VTI1A: variants seen among roughly 807,000 people sequenced by gnomAD.
The protein encoded by VTI1A is vesicle transport through interaction with t-SNAREs homolog 1A.
VTI1A carries 22 observed loss-of-function variants against 34.9 expected under a neutral mutation model. That is an observed-to-expected ratio of 0.63 (90% CI 0.45 to 0.90). The LOEUF (loss-of-function observed/expected upper bound fraction) is 0.90. VTI1A is among the 40% of genes least tolerant of loss of function. The probability of loss-of-function intolerance (pLI) is 0.00; values close to 1 mark genes in which losing one functional copy is unlikely to be tolerated. For missense variants in VTI1A, 268 were observed against 275.6 expected, an observed-to-expected ratio of 0.97 and a Z score of 0.20; for synonymous variants, 87 against 97.3, an observed-to-expected ratio of 0.89 and a Z score of 0.62.
intron 7 of VTI1A, among the ~76,000 whole-genome samples, chr10:112,787,681 TTTTTCTTTTTTC>T: frequency 6.9e-6 from 1 of 145,550 alleles, no homozygotes; most frequent in South Asian, 2.1e-4. Context: ...ATTAGTTTCT[TTTTTCTTTTTTC>T]TTTTCTTTTT....
At chr10:112,709,685 T>C (rs1337636821) in intron 7 of VTI1A, among the ~76,000 whole-genome samples, 10 of 101,608 alleles carry the variant, frequency 9.8e-5, no homozygotes, top group African/African-American at 6.6e-4. Context: ...TATGTGGCTT[T>C]TTTTTTTTTT....
At chr10:112,550,961 C>T (rs1851328708) in intron 5 of VTI1A, among the ~76,000 whole-genome samples, 3 of 152,182 alleles carry the variant, frequency 2.0e-5, no homozygotes, top group South Asian at 2.1e-4. Context: ...AGTACCTTCA[C>T]GGCCGGGCGC....
At chr10:112,477,028 T>G (rs1848300411) in intron 3 of VTI1A, among the ~76,000 whole-genome samples, 1 of 152,200 alleles carries the variant, frequency 6.6e-6, no homozygotes, top group African/African-American at 2.4e-5. Flanking sequence ...TCAACTATTT[T>G]AAGCTTTCTT....
chr10:112,586,923 C>T (rs1844183579), intron 5 of VTI1A, among the ~76,000 whole-genome samples: 1 of 152,130 alleles, frequency 6.6e-6, no homozygotes, highest in East Asian at 1.9e-4. Context: ...CTTTCATGGA[C>T]CTTGAAATTT....
intron 5 of VTI1A, among the ~76,000 whole-genome samples, chr10:112,573,829 A>G (rs907915323): frequency 6.6e-6 from 1 of 152,242 alleles, no homozygotes; most frequent in Non-Finnish European, 1.5e-5. Context: ...TACAATTTAA[A>G]AACCCCTTTT....
At chr10:112,674,244 G>A (rs1275734956) in intron 7 of VTI1A, among the ~76,000 whole-genome samples, 2 of 152,124 alleles carry the variant, frequency 1.3e-5, no homozygotes, top group East Asian at 3.8e-4. Flanking sequence ...AAATCTCAAT[G>A]TCTAAACTGT....
chr10:112,828,899 A>G, the VTI1A span, among the ~76,000 whole-genome samples: 5 of 151,908 alleles, frequency 3.3e-5, no homozygotes, highest in Non-Finnish European at 7.4e-5. Context: ...AATATTAGAC[A>G]TGGCACCAGG....
At chr10:112,720,662 G>A (rs1278293715) in intron 7 of VTI1A, among the ~76,000 whole-genome samples, 1 of 152,172 alleles carries the variant, frequency 6.6e-6, no homozygotes, top group African/African-American at 2.4e-5. Flanking sequence ...TACCATGGTA[G>A]TATTTTAGAT....
intron 7 of VTI1A, among the ~76,000 whole-genome samples, chr10:112,777,932 G>A (rs1171488132): frequency 3.3e-5 from 5 of 152,120 alleles, no homozygotes; most frequent in East Asian, 1.9e-4. Context: ...GAGAAACCCC[G>A]TCTCTACTAA....
intron 7 of VTI1A, among the ~76,000 whole-genome samples, chr10:112,800,999 C>T (rs1236515773): frequency 3.3e-5 from 5 of 152,254 alleles, no homozygotes; most frequent in South Asian, 2.1e-4. Flanking sequence ...TCAACCTCCA[C>T]GTGAATGTAG....
rs890010458 is a variant in VTI1A at position 112,740,516 on chromosome 10, C to G, written c.560+71518C>G. ...GCCAGGGTGGTCTCGAACTCCTGAC[C>G]TCAAGTGATCTGCCTGCTTTGGCCT... On this transcript the variant is annotated intron_variant, in intron 7 of 7. Transcript: ENST00000393077. Among the ~76,000 whole-genome samples, 8 of 152,204 alleles carry G rather than the reference C, an allele frequency of 5.3e-5. 1 individual carries two copies. In the East Asian group the frequency reaches 1.5e-3, roughly 29 times the overall value.
the VTI1A span, among the ~76,000 whole-genome samples, chr10:112,829,718 C>T: frequency 3.3e-5 from 5 of 152,198 alleles, no homozygotes; most frequent in African/African-American, 9.7e-5. Context: ...TGTGCCACTG[C>T]ACTCCAGCCT....
At chr10:112,564,853 T>C (rs1851854176) in intron 5 of VTI1A, among the ~76,000 whole-genome samples, 3 of 152,182 alleles carry the variant, frequency 2.0e-5, no homozygotes, top group Admixed American at 1.3e-4. Flanking sequence ...GCTCAAACTT[T>C]AGTAGTAGCA....
At chr10:112,531,478 C>CAAA (rs1407152404) in intron 4 of VTI1A, among the ~76,000 whole-genome samples, 6 of 38,200 alleles carry the variant, frequency 1.6e-4, no homozygotes, top group African/African-American at 5.1e-4. Context: ...CCGGCCTAAG[C>CAAA]AAAGAAAAAA....
chr10:112,815,141 A>ACG, intron 7 of VTI1A, 149 bp from the exon 8 acceptor site: 1 of 196,746 alleles, frequency 5.1e-6, no homozygotes, highest in East Asian at 7.6e-5. Context: ...TCGCGCGCGC[A>ACG]CACACACACA....
chr10:112,752,837 G>T (rs951767603), intron 7 of VTI1A, among the ~76,000 whole-genome samples: 5 of 152,020 alleles, frequency 3.3e-5, no homozygotes, highest in Non-Finnish European at 7.4e-5. Context: ...GTCTCTTTTG[G>T]GTATAGTGTA....
intron 1 of VTI1A, among the ~76,000 whole-genome samples, chr10:112,458,745 C>T (rs1564785286): frequency 6.6e-6 from 1 of 151,956 alleles, no homozygotes; most frequent in Non-Finnish European, 1.5e-5. Flanking sequence ...CGGCTCACTG[C>T]AACCTCTACC....
At chr10:112,682,946 G>A (rs1009326725) in intron 7 of VTI1A, among the ~76,000 whole-genome samples, 1 of 152,174 alleles carries the variant, frequency 6.6e-6, no homozygotes, top group Non-Finnish European at 1.5e-5. Flanking sequence ...CACATAAAAA[G>A]TTCCTCTTCC....
At chr10:112,827,210 C>T in the VTI1A span, 4 of 152,234 alleles carry the variant, frequency 2.6e-5, no homozygotes, top group Admixed American at 2.6e-4. Context: ...AAACTGAGAT[C>T]GGCTAATTAA....
Sources: allele counts gnomAD v4.1 joint callset (sites outside exome capture counted in the v4.1 genomes callset), GRCh38; gene constraint gnomAD v4.1.1; transcripts MANE v1.5; gene names NCBI Gene and HGNC (gene_info 2026-07-23, HGNC 2026-07-21).